Variants in SOX6 observed in about 807,000 individuals in gnomAD.
SOX6 encodes the protein transcription factor SOX-6.
Under a neutral mutation model 97.8 loss-of-function variants are expected in SOX6, and 11 were observed. The ratio of observed to expected loss-of-function variants is 0.11; its 90% CI spans 0.07 to 0.19. The LOEUF is 0.19. Among genes scored for constraint, SOX6 ranks in the 10% least tolerant of loss-of-function variants. SOX6 has a pLI of 1.00. For missense variants in SOX6, 810 were observed against 1,039.5 expected (o/e 0.78, Z 3.04); for synonymous variants, 360 against 371.4 (o/e 0.97, Z 0.35).
chr11:16,481,315 AT>A (rs534442045), upstream of SOX6, among the ~76,000 whole-genome samples: 10 of 152,000 alleles, frequency 6.6e-5, no homozygotes, highest in South Asian at 2.1e-4. Context: ...AATGTCCAGT[AT>A]TTTTTTTAAA....
intron 3 of SOX6, chr11:16,283,871 T>C: frequency 2.4e-6 from 1 of 412,242 alleles, no homozygotes; most frequent in South Asian, 1.8e-5. Context: ...TCAGCAGTTA[T>C]GGTTTAAAAT....
At chr11:16,213,225 T>C (rs975020036) in intron 4 of SOX6, among the ~76,000 whole-genome samples, 1 of 152,044 alleles carries the variant, frequency 6.6e-6, no homozygotes, top group African/African-American at 2.4e-5. Flanking sequence ...GGGTTTAGTA[T>C]ATCAGGGAAA....
At chr11:16,587,280 G>T (rs1329870507) in intron 4 of SOX6, among the ~76,000 whole-genome samples, 1 of 152,080 alleles carries the variant, frequency 6.6e-6, no homozygotes, top group East Asian at 1.9e-4. Context: ...GTAAACCTGG[G>T]CATGTCATTT....
intron 9 of SOX6, among the ~76,000 whole-genome samples, chr11:16,066,639 C>T (rs1848101153): frequency 6.6e-6 from 1 of 152,022 alleles, no homozygotes; most frequent in Admixed American, 6.6e-5. Context: ...GGGAAGTAAG[C>T]CAGGCACAGA....
At chr11:16,263,983 C>G (rs2134218107) in intron 3 of SOX6, among the ~76,000 whole-genome samples, 1 of 152,020 alleles carries the variant, frequency 6.6e-6, no homozygotes, top group South Asian at 2.1e-4. Flanking sequence ...CCCACTACCC[C>G]TATACATGCT....
intron 4 of SOX6, among the ~76,000 whole-genome samples, chr11:16,556,516 T>G (rs1847750751): frequency 2.0e-5 from 3 of 151,688 alleles, no homozygotes; most frequent in Admixed American, 2.0e-4. Context: ...ATAGTTCAAA[T>G]ATAACCACAG....
At chr11:16,147,184 T>A (rs1184579122) in intron 6 of SOX6, among the ~76,000 whole-genome samples, 1 of 151,944 alleles carries the variant, frequency 6.6e-6, no homozygotes, top group Non-Finnish European at 1.5e-5. Context: ...TAAAAAAGGA[T>A]GAATTCATGT....
At chr11:16,738,324 C>T in intron 1 of SOX6, 1 of 178,040 alleles carries the variant, frequency 5.6e-6, no homozygotes, top group Non-Finnish European at 1.2e-5. Flanking sequence ...AGGTGCCTAG[C>T]TACGATGATA....
intron 3 of SOX6, among the ~76,000 whole-genome samples, chr11:16,652,381 C>T (rs1287601611): frequency 2.6e-5 from 4 of 152,098 alleles, no homozygotes. Context: ...GCTACAGTTA[C>T]TAAAACAGCA....
chr11:16,403,892 A>T (rs950522717), intron 1 of SOX6, among the ~76,000 whole-genome samples: 1 of 151,856 alleles, frequency 6.6e-6, no homozygotes, highest in Non-Finnish European at 1.5e-5. Flanking sequence ...CTAAAGCAAG[A>T]TGTCTCAGGA....
chr11:16,437,499 T>C (rs1370432992), intron 1 of SOX6, among the ~76,000 whole-genome samples: 2 of 152,198 alleles, frequency 1.3e-5, no homozygotes, highest in South Asian at 4.1e-4. Flanking sequence ...TCTGTTTATG[T>C]GAATTAAGAT....
chr11:16,089,101 T>A (rs1193633095), intron 9 of SOX6, among the ~76,000 whole-genome samples: 1 of 152,110 alleles, frequency 6.6e-6, no homozygotes, highest in Non-Finnish European at 1.5e-5. Flanking sequence ...CTCAATGCAG[T>A]TTATTGGAAA....
At chr11:16,004,645 G>A (rs1487200339) in intron 13 of SOX6, among the ~76,000 whole-genome samples, 1 of 151,532 alleles carries the variant, frequency 6.6e-6, no homozygotes, top group Non-Finnish European at 1.5e-5. Context: ...ATATTTCTGT[G>A]GTTTAAAGGA....
rs1310172873 is a variant in SOX6, at chr11:16,041,927, G to A, written c.1623+4587C>T. ...GACCAATAGGTTGACTCATTCACTAGTGGAGAGTATCAAAGAAAGAAAAAT... is the reference window on the plus strand; with the variant it reads ...GACCAATAGGTTGACTCATTCACTAATGGAGAGTATCAAAGAAAGAAAAAT... On this transcript the variant is annotated intron_variant, in intron 12 of 15. Coordinates refer to ENST00000683767, the MANE Select transcript of SOX6 (RefSeq NM_001367873.1). 2.6e-5 allele frequency among the ~76,000 whole-genome samples: 4 copies of A among 152,144 alleles called. No homozygotes were observed. In the East Asian group the frequency reaches 7.7e-4, roughly 29 times the overall value.
intron 13 of SOX6, among the ~76,000 whole-genome samples, chr11:16,007,030 T>C (rs796634761): frequency 1.3e-4 from 19 of 150,638 alleles, no homozygotes; most frequent in African/African-American, 3.4e-4. Flanking sequence ...CAGGCAGTGA[T>C]AGACAAGCAG....
chr11:16,081,405 AC>A (rs1359189834), intron 9 of SOX6, among the ~76,000 whole-genome samples: 1 of 152,150 alleles, frequency 6.6e-6, no homozygotes, highest in Non-Finnish European at 1.5e-5. Flanking sequence ...TAAAGATGAC[AC>A]AAAAAAAATG....
intron 4 of SOX6, among the ~76,000 whole-genome samples, chr11:16,189,573 T>C (rs1445886969): frequency 1.3e-5 from 2 of 152,108 alleles, no homozygotes; most frequent in African/African-American, 2.4e-5. Context: ...GGGCATACCA[T>C]TCAGCCCCTT....
Position 16,589,279 on chromosome 11 carries a change from T to C in SOX6, n.609+22802A>G, listed in dbSNP as rs71484729. Among the ~76,000 whole-genome samples the C allele has an allele frequency of 9.3e-3, 1,416 of 152,270 alleles. 9 individuals carry two copies. Among genetic ancestry groups the C allele is most frequent in the Middle Eastern group, 0.017 (5 of 294 alleles). ...ACATCCTAGGAGTATACTACATAAA[T>C]ATGCTGCAGTATATTTATTTATTTT... On this transcript the variant is annotated intron_variant and non_coding_transcript_variant, in intron 4 of 5. Transcript: ENST00000524520.
intron 4 of SOX6, among the ~76,000 whole-genome samples, chr11:16,205,442 T>C (rs1247415404): frequency 6.6e-6 from 1 of 152,112 alleles, no homozygotes; most frequent in Non-Finnish European, 1.5e-5. Context: ...AGATCCTAAT[T>C]TCCTTTTAAT....
Sources: allele counts gnomAD v4.1 joint callset (sites outside exome capture counted in the v4.1 genomes callset), GRCh38; gene constraint gnomAD v4.1.1; transcripts MANE v1.5; gene names NCBI Gene and HGNC (gene_info 2026-07-23, HGNC 2026-07-21).